PCNT: variants seen among roughly 807,000 people sequenced by gnomAD.
PCNT encodes the protein pericentrin.
In PCNT, 319 loss-of-function variants were observed where a neutral mutation model predicts 380.4. The observed-to-expected ratio is 0.84, with a 90% CI of 0.77 to 0.92. The LOEUF (loss-of-function observed/expected upper bound fraction) is 0.92. PCNT is among the 40% of genes least tolerant of loss of function. PCNT has a pLI of 0.00. For synonymous variants in PCNT, 1,845 were observed against 1,735.2 expected (o/e 1.06, Z -1.57); for missense variants, 4,400 against 4,255.3 (o/e 1.03, Z -0.95).
chr21:46,438,093 G>T (rs984063520), intron 40 of PCNT, 71 bp from the exon 41 acceptor site: 2 of 1,249,882 alleles, frequency 1.6e-6, no homozygotes, highest in Non-Finnish European at 2.3e-6. Flanking sequence ...AATAACTGTT[G>T]ACAAAAAACA....
At chr21:46,385,737 ACT>A (rs777375096) in intron 16 of PCNT, 93 bp from the exon 17 acceptor site, 222 of 1,350,782 alleles carry the variant, frequency 1.6e-4, no homozygotes, top group Non-Finnish European at 2.2e-4. Flanking sequence ...TAAGTCAGAG[ACT>A]CTCAAATACT....
At chr21:46,353,923 G>A (rs1455038486) in intron 10 of PCNT, 64 bp from the exon 11 acceptor site, 2 of 1,398,180 alleles carry the variant, frequency 1.4e-6, no homozygotes, top group Non-Finnish European at 2.0e-6. Flanking sequence ...TCCTGGGGAG[G>A]GAATGGCGCA....
chr21:46,326,740 G>A lies in PCNT; in HGVS notation c.267+151G>A, dbSNP rs373401397. 46 of 905,682 alleles carry A rather than the reference G, an allele frequency of 5.1e-5. No homozygotes were observed. In the East Asian group the frequency reaches 1.2e-3, roughly 23 times the overall value. The allele number at this position is 905,682 out of a possible 1,614,324, so 56.1% of individuals were successfully genotyped here. On this transcript the variant is annotated intron_variant, in intron 2 of 46. Transcript: ENST00000359568. Reference sequence around the variant, plus strand: ...AGTTTATAAAAAGTGAGGGCCGGGTGCAGTGGCTTACGCCTGTAATCCCCG... The same window carrying A: ...AGTTTATAAAAAGTGAGGGCCGGGTACAGTGGCTTACGCCTGTAATCCCCG...
chr21:46,337,422 A>G (rs1192680222), intron 3 of PCNT, among the ~76,000 whole-genome samples: 1 of 152,122 alleles, frequency 6.6e-6, no homozygotes, highest in African/African-American at 2.4e-5. Context: ...GTTTCCAGTC[A>G]CAACTGTTTT....
Position 46,411,559 on chromosome 21 carries a change from A to G in PCNT, c.5486A>G (p.Glu1829Gly), listed in dbSNP as rs536219610. 118 of 1,612,440 alleles carry G rather than the reference A, an allele frequency of 7.3e-5. 2 individuals carry two copies. The South Asian group carries it at 1.2e-3, about 17-fold the overall frequency. Residue 1829 changes from glutamate to glycine, a missense_variant, in exon 28 of 47, where the codon GAG (glutamate) becomes GGG (glycine). Coordinates refer to ENST00000359568, the MANE Select transcript of PCNT (RefSeq NM_006031.6). ...CAGCAGCGCCTCCAGGGCGCAGAGG[A>G]GGCTGCGGAGCTACAGCTGGCTGAG... ...ALQQRLQGAE[E>G]AAELQLAELE...
At chr21:46,358,967 A>ATT (rs763580670) in intron 13 of PCNT, among the ~76,000 whole-genome samples, 2 of 144,260 alleles carry the variant, frequency 1.4e-5, no homozygotes, top group Non-Finnish European at 1.5e-5. Flanking sequence ...TGCCTGGCTA[A>ATT]TTTTTTTTTT....
At chr21:46,374,411 TG>T (rs889458811) in intron 15 of PCNT, among the ~76,000 whole-genome samples, 5 of 152,228 alleles carry the variant, frequency 3.3e-5, no homozygotes, top group African/African-American at 1.2e-4. Flanking sequence ...AGGATCTATT[TG>T]TTCCTGTGAT....
At chr21:46,368,317 G>A (rs1188224283) in intron 15 of PCNT, among the ~76,000 whole-genome samples, 4 of 152,042 alleles carry the variant, frequency 2.6e-5, no homozygotes, top group Non-Finnish European at 4.4e-5. Context: ...GGGTGGTGGC[G>A]GACGCCTGTA....
At chr21:46,381,580 T>A in intron 15 of PCNT, 114 bp from the exon 16 acceptor site, 1 of 951,528 alleles carries the variant, frequency 1.1e-6, no homozygotes, top group Non-Finnish European at 1.7e-6. Flanking sequence ...TCCCGGCTCT[T>A]GGTGCAGAGT....
Position 46,363,881 on chromosome 21 carries a change from TGCG to T in PCNT, c.2557_2559del (p.Ala853del), listed in dbSNP as rs765036920. 3.4e-4 allele frequency: 543 copies of T among 1,612,392 alleles called. No individual in the cohort carries two copies. Among genetic ancestry groups the T allele is most frequent in the Non-Finnish European group, 4.4e-4 (516 of 1,179,828 alleles). On this transcript the variant is annotated inframe_deletion, in exon 14 of 47. Transcript: ENST00000359568. Reference sequence around the variant, plus strand: ...CCACAGCCCAGGACGGGGAGCTTGCTGCGCTCCACGTGAAGGAAGACTGCGCCC... The same window carrying T: ...CCACAGCCCAGGACGGGGAGCTTGCTCTCCACGTGAAGGAAGACTGCGCCC...
intron 15 of PCNT, among the ~76,000 whole-genome samples, chr21:46,379,385 A>G (rs893900348): frequency 2.0e-5 from 3 of 152,202 alleles, no homozygotes; most frequent in Admixed American, 1.3e-4. Context: ...GCTGGCCTCA[A>G]GCTTTGTCCT....
rs375351803 is a variant in PCNT, at chr21:46,444,794, C to T, written c.9940C>T (p.Gln3314Ter). The T allele has an allele frequency of 4.3e-6, 7 of 1,613,254 alleles. No individual in the cohort carries two copies. The African/African-American group carries it at 8.0e-5, about 18-fold the overall frequency. ...GTATATTCACCATTTAGAAGTGATCCAGCAAAGATTGGGAGGGGTACTACC... is the reference window on the plus strand; with the variant it reads ...GTATATTCACCATTTAGAAGTGATCTAGCAAAGATTGGGAGGGGTACTACC... Reference protein sequence around the residue: ...TEYIHHLEVIQQRLGGVLPDS... With the variant: ...TEYIHHLEVI Residue 3314 changes from glutamine (Q) to a stop codon, truncating the protein, a stop_gained, in exon 46 of 47, where the codon CAG (glutamine) becomes TAG (stop). Transcript: ENST00000359568. LOFTEE classifies it high-confidence loss of function.
chr21:46,380,130 G>A lies in PCNT; in HGVS notation c.3166-1564G>A, dbSNP rs183550817. Among the ~76,000 whole-genome samples the A allele has an allele frequency of 3.2e-4, 47 of 146,120 alleles. No individual in the cohort carries two copies. The East Asian group carries it at 8.6e-3, about 27-fold the overall frequency. ...CACTTGACACTGACTGTTTCCAACC[G>A]GTGCCCTGGGGTAGATTTTTTTTTT... On this transcript the variant is annotated intron_variant, in intron 15 of 46. Coordinates refer to ENST00000359568, the MANE Select transcript of PCNT (RefSeq NM_006031.6).
chr21:46,364,779 C>T (rs981381026), intron 14 of PCNT, among the ~76,000 whole-genome samples: 5 of 152,146 alleles, frequency 3.3e-5, no homozygotes, highest in Non-Finnish European at 7.4e-5. Context: ...GCACAGGGCC[C>T]CGCTCAGGGA....
chr21:46,363,786 C>A lies in PCNT; in HGVS notation c.2461C>A (p.Leu821Met), dbSNP rs775860479. ...ERSLTEQQGR[L>M]QQLEQDLTSD... ...GTCCTTGACGGAGCAGCAGGGCCGC[C>A]TGCAGCAGCTGGAACAGGACCTCAC... The change falls in exon 14 of 47, where the codon CTG (leucine) becomes ATG (methionine). Residue 821 changes from leucine (L) to methionine (M), a missense_variant. By Grantham distance (15) the Leu-to-Met change is conservative (BLOSUM62 2). Coordinates refer to ENST00000359568, the MANE Select transcript of PCNT (RefSeq NM_006031.6). 6.2e-7 allele frequency: 1 copy of A among 1,613,788 alleles called. No individual in the cohort carries two copies. The highest frequency in any genetic ancestry group is 1.1e-5 in the South Asian group (1 of 91,084).
At chr21:46,324,832 C>T in intron 1 of PCNT, 1 of 972,138 alleles carries the variant, frequency 1.0e-6, no homozygotes, top group Non-Finnish European at 1.2e-6. Flanking sequence ...CAGCGCCTCC[C>T]CAGGGTGCGC....
At chr21:46,398,914 G>T (rs1490521495) in intron 24 of PCNT, among the ~76,000 whole-genome samples, 1 of 151,148 alleles carries the variant, frequency 6.6e-6, no homozygotes, top group African/African-American at 2.4e-5. Context: ...CCACCTCCCG[G>T]GTTCACGCCA....
At chr21:46,325,432 A>T (rs2083352088) in intron 1 of PCNT, among the ~76,000 whole-genome samples, 1 of 152,194 alleles carries the variant, frequency 6.6e-6, no homozygotes, top group South Asian at 2.1e-4. Flanking sequence ...AGGGCGACGC[A>T]GGCCGCAGAC....
chr21:46,412,104 T>C (rs1474285400), intron 28 of PCNT, 37 bp downstream of exon 28: 2 of 1,595,860 alleles, frequency 1.3e-6, no homozygotes, highest in African/African-American at 2.7e-5. Context: ...GGGTATTTTT[T>C]TTTACTCTCC....
Sources: allele counts gnomAD v4.1 joint callset (sites outside exome capture counted in the v4.1 genomes callset), GRCh38; gene constraint gnomAD v4.1.1; transcripts MANE v1.5; gene names NCBI Gene and HGNC (gene_info 2026-07-23, HGNC 2026-07-21).